NEGR1: variants seen among roughly 807,000 people sequenced by gnomAD.
NEGR1 encodes the protein neuronal growth regulator 1.
NEGR1 carries 10 observed loss-of-function variants against 40.9 expected under a neutral mutation model. That is an observed-to-expected ratio of 0.24 (90% CI 0.15 to 0.42). NEGR1 has a LOEUF of 0.42. Among genes scored for constraint, NEGR1 ranks in the 10% least tolerant of loss-of-function variants. The probability of loss-of-function intolerance (pLI) is 1.00; values close to 1 mark genes in which losing one functional copy is unlikely to be tolerated. For missense variants in NEGR1, 352 were observed against 438.9 expected (o/e 0.80, Z 1.77); for synonymous variants, 185 against 166.8 (o/e 1.11, Z -0.84).
chr1:71,613,132 C>A (rs1650318986), intron 4 of NEGR1, among the ~76,000 whole-genome samples: 1 of 152,082 alleles, frequency 6.6e-6, no homozygotes, highest in African/African-American at 2.4e-5. Flanking sequence ...GTAGGGAATG[C>A]AGTAAGCAAG....
chr1:71,465,332 G>C (rs754291549), intron 6 of NEGR1, among the ~76,000 whole-genome samples: 3 of 152,010 alleles, frequency 2.0e-5, no homozygotes, highest in Non-Finnish European at 4.4e-5. Context: ...TTTCTGAGTG[G>C]CTGCTAACTT....
intron 2 of NEGR1, among the ~76,000 whole-genome samples, chr1:71,785,027 C>T (rs748920444): frequency 3.3e-5 from 5 of 152,056 alleles, no homozygotes; most frequent in South Asian, 4.1e-4. Flanking sequence ...TTTGTTTTGG[C>T]GAGAGGATCA....
intron 6 of NEGR1, among the ~76,000 whole-genome samples, chr1:71,539,761 T>TA (rs1304234430): frequency 2.0e-5 from 3 of 151,558 alleles, no homozygotes; most frequent in African/African-American, 7.3e-5. Flanking sequence ...CTACTTTGAA[T>TA]AAAAAAAATC....
chr1:71,990,152 T>A (rs1258122715), intron 1 of NEGR1, among the ~76,000 whole-genome samples: 1 of 152,196 alleles, frequency 6.6e-6, no homozygotes, highest in African/African-American at 2.4e-5. Flanking sequence ...TCTCATGGAA[T>A]CCAAATGTGC....
intron 2 of NEGR1, among the ~76,000 whole-genome samples, chr1:71,922,275 A>G (rs896760931): frequency 6.6e-6 from 1 of 152,156 alleles, no homozygotes; most frequent in Non-Finnish European, 1.5e-5. Flanking sequence ...TCTCCAGTCT[A>G]CAATCACTCT....
At chr1:72,152,228 C>T (rs1651152986) in intron 1 of NEGR1, among the ~76,000 whole-genome samples, 1 of 151,724 alleles carries the variant, frequency 6.6e-6, no homozygotes, top group Admixed American at 6.6e-5. Context: ...AATAATTATA[C>T]ATTCAAAAAT....
chr1:72,140,727 A>G (rs1169164896), intron 1 of NEGR1, among the ~76,000 whole-genome samples: 1 of 152,040 alleles, frequency 6.6e-6, no homozygotes, highest in Non-Finnish European at 1.5e-5. Flanking sequence ...TATTTTGTTA[A>G]ATGTTAGTGA....
chr1:72,235,966 A>G (rs2100505777), intron 1 of NEGR1, among the ~76,000 whole-genome samples: 1 of 152,250 alleles, frequency 6.6e-6, no homozygotes, highest in Middle Eastern at 3.4e-3. Context: ...TCATTCTACT[A>G]TAAAGGCACA....
chr1:71,506,281 G>GA (rs112473204), intron 6 of NEGR1, among the ~76,000 whole-genome samples: 3,606 of 152,230 alleles, frequency 0.024, 65 homozygotes, highest in African/African-American at 0.04. Context: ...CTCATCTTTA[G>GA]AAAAAACATT....
chr1:71,646,200 A>G (rs1201302088), intron 4 of NEGR1, among the ~76,000 whole-genome samples: 1 of 151,696 alleles, frequency 6.6e-6, no homozygotes, highest in Admixed American at 6.6e-5. Flanking sequence ...TTGTACATAT[A>G]TACACATACA....
chr1:71,921,616 T>C (rs1167428722), intron 2 of NEGR1, among the ~76,000 whole-genome samples: 1 of 149,160 alleles, frequency 6.7e-6, no homozygotes, highest in Admixed American at 6.7e-5. Context: ...ATTGTAGGAA[T>C]ACAGTATAGA....
At chr1:71,870,707 G>A (rs1197998042) in intron 2 of NEGR1, among the ~76,000 whole-genome samples, 2 of 152,154 alleles carry the variant, frequency 1.3e-5, no homozygotes, top group Admixed American at 6.5e-5. Context: ...GGGCTAGGTT[G>A]AAAAATCACA....
At chr1:71,795,379 T>C (rs1055535278) in intron 2 of NEGR1, among the ~76,000 whole-genome samples, 3 of 151,988 alleles carry the variant, frequency 2.0e-5, no homozygotes, top group African/African-American at 7.2e-5. Flanking sequence ...TTGAGAAGCA[T>C]TGCCCTGGAC....
intron 1 of NEGR1, among the ~76,000 whole-genome samples, chr1:72,022,087 A>G (rs1216262053): frequency 6.6e-6 from 1 of 151,970 alleles, no homozygotes; most frequent in East Asian, 1.9e-4. Context: ...GTGAGCCGAG[A>G]TGGCGCCACT....
intron 1 of NEGR1, among the ~76,000 whole-genome samples, chr1:72,070,162 A>T (rs1187413302): frequency 6.6e-6 from 1 of 152,066 alleles, no homozygotes; most frequent in African/African-American, 2.4e-5. Context: ...AATTATATAA[A>T]CTGAAAGCTG....
At chr1:71,589,526 T>C (rs1459084906) in intron 6 of NEGR1, among the ~76,000 whole-genome samples, 1 of 152,054 alleles carries the variant, frequency 6.6e-6, no homozygotes, top group Non-Finnish European at 1.5e-5. Context: ...ATGACCTAAT[T>C]TTTTCTTTTA....
At chr1:71,849,088 C>CA (rs571058760) in intron 2 of NEGR1, among the ~76,000 whole-genome samples, 1,777 of 110,458 alleles carry the variant, frequency 0.016, 25 homozygotes, top group African/African-American at 0.047. Context: ...GACTCTGTCT[C>CA]AAAAAAAAAA....
At chr1:72,232,572 A>G (rs1654401358) in intron 1 of NEGR1, among the ~76,000 whole-genome samples, 1 of 152,168 alleles carries the variant, frequency 6.6e-6, no homozygotes, top group Non-Finnish European at 1.5e-5. Context: ...ACAATGCTAA[A>G]AAAACTATGT....
intron 1 of NEGR1, among the ~76,000 whole-genome samples, chr1:72,043,476 T>C (rs1646973716): frequency 6.6e-6 from 1 of 151,814 alleles, no homozygotes; most frequent in African/African-American, 2.4e-5. Flanking sequence ...AACATTTTCT[T>C]ATACCTATAT....
Sources: allele counts gnomAD v4.1 joint callset (sites outside exome capture counted in the v4.1 genomes callset), GRCh38; gene constraint gnomAD v4.1.1; transcripts MANE v1.5; gene names NCBI Gene and HGNC (gene_info 2026-07-23, HGNC 2026-07-21).